IL6ST: variants seen among roughly 807,000 people sequenced by gnomAD.
IL6ST encodes interleukin 6 cytokine family signal transducer.
A neutral mutation model predicts 91.3 loss-of-function variants in IL6ST; 24 were observed. That is an observed-to-expected ratio of 0.26 (90% CI 0.19 to 0.37). The LOEUF (loss-of-function observed/expected upper bound fraction) is 0.37, where lower values mean the gene tolerates loss of function less well. Ranked by LOEUF, IL6ST falls within the 10% of genes least tolerant of loss-of-function variation. The pLI is 1.00. For synonymous variants in IL6ST, 351 were observed against 373.6 expected, an observed-to-expected ratio of 0.94 and a Z score of 0.70; for missense variants, 914 against 1,078.5, an observed-to-expected ratio of 0.85 and a Z score of 2.14.
chr5:55,953,060 CA>C (rs1294019690), intron 11 of IL6ST, among the ~76,000 whole-genome samples: 4 of 151,646 alleles, frequency 2.6e-5, no homozygotes, highest in African/African-American at 9.7e-5. Flanking sequence ...GACTCTGTCT[CA>C]AAAAAACAAA....
chr5:55,941,662 C>A lies in IL6ST; in HGVS notation c.2177G>T (p.Ser726Ile), dbSNP rs2111587517. The A allele has an allele frequency of 6.2e-7, 1 of 1,614,160 alleles. No homozygotes were observed. Among genetic ancestry groups the A allele is most frequent in the East Asian group, 2.2e-5 (1 of 44,888 alleles). ...CATGCATGAAGACCCCCCAATACCA[C>A]TGCTGTGTCCTTCAGTATTAATTTT... ...KEKINTEGHS[S>I]GIGGSSCMSS... Residue 726 changes from serine to isoleucine, a missense_variant, in exon 17 of 17, where the codon AGT (serine) becomes ATT (isoleucine). By Grantham distance (142) the Ser-to-Ile change is moderately radical (BLOSUM62 -2). Coordinates refer to ENST00000381298, the MANE Select transcript of IL6ST (RefSeq NM_002184.4).
intron 1 of IL6ST, among the ~76,000 whole-genome samples, chr5:55,991,839 CT>C (rs1754350991): frequency 1.3e-5 from 2 of 151,906 alleles, no homozygotes; most frequent in South Asian, 4.1e-4. Flanking sequence ...AGCAATCTGG[CT>C]TTTTTACTCC....
At chr5:55,985,425 G>A (rs559633842) in intron 1 of IL6ST, among the ~76,000 whole-genome samples, 8 of 151,714 alleles carry the variant, frequency 5.3e-5, no homozygotes, top group African/African-American at 1.9e-4. Flanking sequence ...GCTGAGGCAA[G>A]AGAACTGCTT....
At chr5:55,960,989 G>A (rs1752279454) in intron 7 of IL6ST, among the ~76,000 whole-genome samples, 1 of 150,656 alleles carries the variant, frequency 6.6e-6, no homozygotes, top group Non-Finnish European at 1.5e-5. Flanking sequence ...GGAGCTCAAT[G>A]GTGCAATGGC....
At chr5:55,991,443 T>A (rs893287870) in intron 1 of IL6ST, among the ~76,000 whole-genome samples, 1 of 152,108 alleles carries the variant, frequency 6.6e-6, no homozygotes, top group African/African-American at 2.4e-5. Flanking sequence ...CCATAATATC[T>A]TTCCCACCCA....
chr5:55,958,213 C>A (rs1005531256), intron 8 of IL6ST, among the ~76,000 whole-genome samples: 1 of 152,118 alleles, frequency 6.6e-6, no homozygotes, highest in African/African-American at 2.4e-5. Context: ...TCAGGTGATC[C>A]TCCCACCTCA....
At chr5:55,959,097 T>C (rs770623650) in intron 8 of IL6ST, among the ~76,000 whole-genome samples, 2 of 152,116 alleles carry the variant, frequency 1.3e-5, no homozygotes, top group Non-Finnish European at 2.9e-5. Flanking sequence ...CATTCACGCA[T>C]TGATTTGACA....
chr5:55,947,076 C>T (rs941346296), intron 15 of IL6ST, among the ~76,000 whole-genome samples: 6 of 151,510 alleles, frequency 4.0e-5, no homozygotes, highest in African/African-American at 9.7e-5. Context: ...TGGTGGTGGG[C>T]GCCTGTAATC....
chr5:55,976,593 T>C (rs1042147079), intron 2 of IL6ST, among the ~76,000 whole-genome samples: 1 of 152,190 alleles, frequency 6.6e-6, no homozygotes, highest in African/African-American at 2.4e-5. Flanking sequence ...AACTTCAGAC[T>C]GACAAATTTC....
chr5:55,946,275 G>A (rs1188721378), intron 15 of IL6ST, among the ~76,000 whole-genome samples: 1 of 152,180 alleles, frequency 6.6e-6, no homozygotes, highest in Non-Finnish European at 1.5e-5. Flanking sequence ...CCAAGATGGT[G>A]TAGCCACTCT....
intron 5 of IL6ST, among the ~76,000 whole-genome samples, chr5:55,965,207 A>T (rs1580826981): frequency 6.6e-6 from 1 of 152,200 alleles, no homozygotes; most frequent in East Asian, 1.9e-4. Flanking sequence ...AAACAATCTT[A>T]AAATCATTCT....
chr5:55,985,048 T>C (rs1753876610), intron 1 of IL6ST, among the ~76,000 whole-genome samples: 1 of 152,224 alleles, frequency 6.6e-6, no homozygotes, highest in Admixed American at 6.5e-5. Context: ...GTTTTGAAAG[T>C]TCTAAGAAGA....
chr5:55,950,444 G>A (rs1189327040), intron 14 of IL6ST, among the ~76,000 whole-genome samples: 3 of 147,510 alleles, frequency 2.0e-5, no homozygotes, highest in African/African-American at 7.5e-5. Context: ...GCTGAGGTAG[G>A]AGAATCACTT....
chr5:55,965,239 T>G (rs1351614784), intron 5 of IL6ST, among the ~76,000 whole-genome samples: 1 of 152,162 alleles, frequency 6.6e-6, no homozygotes, highest in Non-Finnish European at 1.5e-5. Context: ...TTGTTGGTGC[T>G]AATACTGTTG....
In IL6ST at chr5:55,936,964, A is replaced by T. The variant is rs190564825; in HGVS notation, c.*4118T>A. 5.0e-5 allele frequency: 10 copies of T among 200,796 alleles called. No homozygotes were observed. The highest frequency in any genetic ancestry group is 2.1e-4 in the African/African-American group (9 of 43,728). The allele number at this position is 200,796 out of a possible 1,614,324, so 12.4% of individuals were successfully genotyped here. A position where few individuals can be genotyped will look rare whatever the true frequency, so the allele number is the denominator to read the frequency against. On this transcript the variant is annotated 3_prime_UTR_variant, in exon 17 of 17. Transcript: ENST00000381298. ...CTGCATTGTCCTACTAGCAAATTGC[A>T]CATTTATTTTTAGAGTATATTCAAT...
chr5:55,969,317 T>C (rs935283321), intron 4 of IL6ST, among the ~76,000 whole-genome samples: 2 of 151,746 alleles, frequency 1.3e-5, no homozygotes, highest in African/African-American at 4.9e-5. Flanking sequence ...AATACTTTCC[T>C]GTGGTGGGGG....
At chr5:55,949,601 A>G (rs1751487590) in intron 14 of IL6ST, among the ~76,000 whole-genome samples, 1 of 152,180 alleles carries the variant, frequency 6.6e-6, no homozygotes, top group Non-Finnish European at 1.5e-5. Flanking sequence ...TACATTTTTA[A>G]GTTTATTTTT....
intron 3 of IL6ST, among the ~76,000 whole-genome samples, chr5:55,972,562 T>C (rs772298356): frequency 6.6e-6 from 1 of 152,158 alleles, no homozygotes; most frequent in Non-Finnish European, 1.5e-5. Flanking sequence ...ACAGCTTCAA[T>C]AATACCATCC....
At chr5:55,984,196 C>T (rs1753823829) in intron 1 of IL6ST, among the ~76,000 whole-genome samples, 1 of 152,318 alleles carries the variant, frequency 6.6e-6, no homozygotes, top group South Asian at 2.1e-4. Context: ...GGTATATTCC[C>T]ATGCAACTTT....
Sources: gnomAD v4.1 joint callset for allele counts (sites outside exome capture counted in the v4.1 genomes callset) on GRCh38, gnomAD v4.1.1 for gene constraint, MANE v1.5 for transcripts, NCBI Gene and HGNC (gene_info 2026-07-23, HGNC 2026-07-21) for gene names.